Variants in ZNF804A observed in about 807,000 individuals in gnomAD.
ZNF804A encodes the protein zinc finger protein 804A.
A neutral mutation model predicts 16.5 loss-of-function variants in ZNF804A; 2 were observed. That is an observed-to-expected ratio of 0.12 (90% CI 0.05 to 0.38). The LOEUF (loss-of-function observed/expected upper bound fraction) is 0.38, where lower values mean the gene tolerates loss of function less well. Among genes scored for constraint, ZNF804A ranks in the 10% least tolerant of loss-of-function variants. The probability of loss-of-function intolerance (pLI) is 0.99; values close to 1 mark genes in which losing one functional copy is unlikely to be tolerated. For missense variants in ZNF804A, 1,473 were observed against 1,390.7 expected, an observed-to-expected ratio of 1.06 and a Z score of -0.94; for synonymous variants, 534 against 489.6, an observed-to-expected ratio of 1.09 and a Z score of -1.20.
intron 1 of ZNF804A, among the ~76,000 whole-genome samples, chr2:184,669,600 G>T (rs1438032856): frequency 2.0e-5 from 3 of 152,048 alleles, no homozygotes; most frequent in African/African-American, 7.2e-5. Flanking sequence ...TGGCTGATGA[G>T]TAGTTGTGAA....
rs1278914337 is a variant in ZNF804A at position 184,763,250 on chromosome 2, G to A, written c.112-103119G>A. Among the ~76,000 whole-genome samples the A allele has an allele frequency of 3.3e-5, 5 of 152,046 alleles. No individual in the cohort carries two copies. The East Asian group carries it at 9.6e-4, about 29-fold the overall frequency. ...GTCTTTACAGAGGAGTTAAGTAAAG[G>A]TGAGCTCTTTATGATGGGCCCTAAT... is the stretch of plus-strand genomic sequence containing the variant. On this transcript the variant is annotated intron_variant, in intron 1 of 3. Coordinates refer to ENST00000302277, the MANE Select transcript of ZNF804A (RefSeq NM_194250.2).
intron 1 of ZNF804A, among the ~76,000 whole-genome samples, chr2:184,700,107 T>C (rs7585738): frequency 0.15 from 23,360 of 152,082 alleles, 1,956 homozygotes; most frequent in Middle Eastern, 0.24. Context: ...AGGTATTTGA[T>C]GTAATATTAT....
In ZNF804A at chr2:184,829,899, C is replaced by CAAAAAAAAAAAAAAAAAAA. The variant is rs1244566222; in HGVS notation, c.112-36465_112-36447dup. Among the ~76,000 whole-genome samples, 79 of 38,788 alleles carry CAAAAAAAAAAAAAAAAAAA rather than the reference C, an allele frequency of 2.0e-3. 1 individual carries two copies. The highest frequency in any genetic ancestry group is 3.8e-3 in the Admixed American group (10 of 2,658). 25.4% of individuals were successfully genotyped at this position (38,788 alleles called of 152,430 possible). A position where few individuals can be genotyped will look rare whatever the true frequency, so the allele number is the denominator to read the frequency against. ...CAACATGTCAAAACCCTGTCTCTAC[C>CAAAAAAAAAAAAAAAAAAA]AAAAAAAAAAAAAAAAAAAAAAACA... On this transcript the variant is annotated intron_variant, in intron 1 of 3. Transcript: ENST00000302277.
chr2:184,774,033 T>C (rs1363438082), intron 1 of ZNF804A, among the ~76,000 whole-genome samples: 1 of 151,858 alleles, frequency 6.6e-6, no homozygotes, highest in African/African-American at 2.4e-5. Context: ...TAGTCTGCTG[T>C]CCTCCACAGT....
At chr2:184,847,017 G>T (rs1452305699) in intron 1 of ZNF804A, among the ~76,000 whole-genome samples, 5 of 152,090 alleles carry the variant, frequency 3.3e-5, no homozygotes, top group South Asian at 2.1e-4. Flanking sequence ...TCACAGAAGA[G>T]AAATAGTTAA....
chr2:184,866,546 C>A (rs1695879711), intron 2 of ZNF804A, 34 bp downstream of exon 2: 2 of 1,580,020 alleles, frequency 1.3e-6, no homozygotes, highest in Non-Finnish European at 1.7e-6. Context: ...TCTGGCATTT[C>A]TGGACTTGTG....
intron 1 of ZNF804A, among the ~76,000 whole-genome samples, chr2:184,846,414 TA>T (rs1353685351): frequency 6.6e-6 from 1 of 152,132 alleles, no homozygotes; most frequent in African/African-American, 2.4e-5. Context: ...TAAGTTGAAA[TA>T]AGTACCCTCA....
chr2:184,787,703 G>A (rs1310085979), intron 1 of ZNF804A, among the ~76,000 whole-genome samples: 1 of 151,398 alleles, frequency 6.6e-6, no homozygotes, highest in Non-Finnish European at 1.5e-5. Context: ...AAGTTTTTTG[G>A]TGCCTTTCTC....
chr2:184,709,114 A>G (rs1274486584), intron 1 of ZNF804A, among the ~76,000 whole-genome samples: 1 of 152,090 alleles, frequency 6.6e-6, no homozygotes, highest in Non-Finnish European at 1.5e-5. Flanking sequence ...ATGTGAAATG[A>G]CCATTAATAT....
chr2:184,834,347 A>G lies in ZNF804A; in HGVS notation c.112-32022A>G, dbSNP rs545794498. Among the ~76,000 whole-genome samples the G allele has an allele frequency of 3.3e-5, 5 of 152,072 alleles. No homozygotes were observed. In the South Asian group the frequency reaches 6.2e-4, roughly 19 times the overall value. ...TTTCTTACTTGCTGTCACACATGATACTCCAGATTCATCTTTCCTTCTATG... is the reference window on the plus strand; with the variant it reads ...TTTCTTACTTGCTGTCACACATGATGCTCCAGATTCATCTTTCCTTCTATG... On this transcript the variant is annotated intron_variant, in intron 1 of 3. Coordinates refer to ENST00000302277, the MANE Select transcript of ZNF804A (RefSeq NM_194250.2).
In ZNF804A at chr2:184,938,717, TGCAGCTGCTGCAGCTGCAGCTGCAGCC is replaced by T. The variant is rs775620983; in HGVS notation, c.3330_3356del (p.Ala1111_Ala1119del). 1,448 of 1,611,302 alleles carry T rather than the reference TGCAGCTGCTGCAGCTGCAGCTGCAGCC, an allele frequency of 9.0e-4. 4 individuals are homozygous for T. Among genetic ancestry groups the T allele is most frequent in the Non-Finnish European group, 4.3e-4 (508 of 1,178,262 alleles). On this transcript the variant is annotated inframe_deletion, in exon 4 of 4. Transcript: ENST00000302277. Reference sequence around the variant, plus strand: ...ATCACACTGTTTTGCAGCAGCACGCTGCAGCTGCTGCAGCTGCAGCTGCAGCCGCAGCTGCAGGAACCTTTAAAGTGC... The same window carrying T: ...ATCACACTGTTTTGCAGCAGCACGCTGCAGCTGCAGGAACCTTTAAAGTGC...
chr2:184,667,574 G>A (rs1297135780), intron 1 of ZNF804A, among the ~76,000 whole-genome samples: 2 of 151,786 alleles, frequency 1.3e-5, no homozygotes, highest in African/African-American at 4.8e-5. Context: ...CCTCTAGCAG[G>A]ATTACATAAT....
intron 1 of ZNF804A, among the ~76,000 whole-genome samples, chr2:184,619,820 A>G (rs1304021022): frequency 6.6e-6 from 1 of 151,936 alleles, no homozygotes; most frequent in Non-Finnish European, 1.5e-5. Context: ...TATTTTACAA[A>G]GAAGAATAAA....
In ZNF804A at chr2:184,671,525, T is replaced by A. The variant is rs1289460479; in HGVS notation, c.111+72455T>A. ...GGACCTATCTTTTTAGGTTTTGGTA[T>A]TTATGGTTCTCCTCTATTCCCTAGA... On this transcript the variant is annotated intron_variant, in intron 1 of 3. Coordinates refer to ENST00000302277, the MANE Select transcript of ZNF804A (RefSeq NM_194250.2). 3.3e-5 allele frequency among the ~76,000 whole-genome samples: 5 copies of A among 152,148 alleles called. No homozygotes were observed. In the East Asian group the frequency reaches 9.6e-4, roughly 29 times the overall value.
intron 2 of ZNF804A, among the ~76,000 whole-genome samples, chr2:184,880,054 C>T (rs552523594): frequency 9.4e-4 from 143 of 152,128 alleles, no homozygotes; most frequent in African/African-American, 3.3e-3. Flanking sequence ...TTGCAACCAA[C>T]TACTTCAGCT....
At chr2:184,619,334 T>C (rs1041782372) in intron 1 of ZNF804A, among the ~76,000 whole-genome samples, 2 of 151,794 alleles carry the variant, frequency 1.3e-5, no homozygotes, top group Non-Finnish European at 2.9e-5. Flanking sequence ...TTTTGTGTGT[T>C]TTTTTAAGGT....
At chr2:184,771,260 A>G (rs974125839) in intron 1 of ZNF804A, among the ~76,000 whole-genome samples, 3 of 152,110 alleles carry the variant, frequency 2.0e-5, no homozygotes, top group Non-Finnish European at 4.4e-5. Context: ...ATAAGGTTGT[A>G]GTGCTTGAGA....
At chr2:184,652,236 T>C (rs1445987740) in intron 1 of ZNF804A, among the ~76,000 whole-genome samples, 2 of 152,196 alleles carry the variant, frequency 1.3e-5, no homozygotes, top group East Asian at 3.9e-4. Context: ...AGCTAAATAT[T>C]GGGTACTCAT....
chr2:184,677,539 T>C (rs1281319196), intron 1 of ZNF804A, among the ~76,000 whole-genome samples: 2 of 151,976 alleles, frequency 1.3e-5, no homozygotes, highest in African/African-American at 2.4e-5. Context: ...AGAAAAAATA[T>C]GAATTCCAAC....
Sources: allele counts gnomAD v4.1 joint callset (sites outside exome capture counted in the v4.1 genomes callset), GRCh38; gene constraint gnomAD v4.1.1; transcripts MANE v1.5; gene names NCBI Gene and HGNC (gene_info 2026-07-23, HGNC 2026-07-21).